FGF13: variants seen among roughly 807,000 people sequenced by gnomAD.
The protein encoded by FGF13 is fibroblast growth factor homologous factor 2.
In FGF13, 2 loss-of-function variants were observed where a neutral mutation model predicts 19.5. The ratio of observed to expected loss-of-function variants is 0.10; its 90% CI spans 0.04 to 0.32. The LOEUF is 0.32. Ranked by LOEUF, FGF13 falls within the 10% of genes least tolerant of loss-of-function variation. The pLI, the probability that FGF13 is intolerant of heterozygous loss-of-function variation, is 1.00. For synonymous variants in FGF13, 72 were observed against 76.9 expected, an observed-to-expected ratio of 0.94 and a Z score of 0.33; for missense variants, 113 against 192.7, an observed-to-expected ratio of 0.59 and a Z score of 2.45.
chrX:139,196,900 T>G (rs187639563), intron 1 of FGF13, among the ~76,000 whole-genome samples: 42 of 112,534 alleles, frequency 3.7e-4, no homozygotes, highest in Non-Finnish European at 7.5e-4. Context: ...AAAATACTAT[T>G]TTTAGGACAC....
chrX:139,023,522 T>A (rs1355892496), intron 1 of FGF13, among the ~76,000 whole-genome samples: 1 of 110,994 alleles, frequency 9.0e-6, no homozygotes, highest in Non-Finnish European at 1.9e-5. Flanking sequence ...AACACTGTGA[T>A]CCAGTCATTA....
At chrX:138,816,442 C>T (rs745994755) in intron 3 of FGF13, among the ~76,000 whole-genome samples, 1 of 111,949 alleles carries the variant, frequency 8.9e-6, no homozygotes, top group African/African-American at 3.2e-5. Context: ...TGTATTTTGA[C>T]CCAGCAATCG....
intron 3 of FGF13, among the ~76,000 whole-genome samples, chrX:138,804,108 A>C (rs974494707): frequency 1.8e-5 from 2 of 111,956 alleles, no homozygotes; most frequent in African/African-American, 6.5e-5. Context: ...ATTTAGACTT[A>C]ATATGCTTTA....
At chrX:138,706,477 G>A (rs1446605419) in intron 2 of FGF13, among the ~76,000 whole-genome samples, 1 of 111,791 alleles carries the variant, frequency 8.9e-6, no homozygotes, top group African/African-American at 3.3e-5. Context: ...TGCTTACTAT[G>A]TCTGAATAAA....
At chrX:138,779,079 C>T (rs2090616133) in intron 3 of FGF13, among the ~76,000 whole-genome samples, 1 of 111,937 alleles carries the variant, frequency 8.9e-6, no homozygotes, top group East Asian at 2.8e-4. Flanking sequence ...CTGCAGGGTA[C>T]TCCAACAGAC....
At chrX:138,866,716 GC>G (rs1482404335) in intron 1 of FGF13, among the ~76,000 whole-genome samples, 1 of 111,809 alleles carries the variant, frequency 8.9e-6, no homozygotes, top group African/African-American at 3.3e-5. Context: ...TCACCTGGGA[GC>G]TTGTTAGAAA....
At chrX:138,931,667 C>G (rs902291956) in intron 1 of FGF13, among the ~76,000 whole-genome samples, 5 of 111,699 alleles carry the variant, frequency 4.5e-5, no homozygotes, top group Non-Finnish European at 7.5e-5. Flanking sequence ...ATAGAGTCAT[C>G]AGCTTCTGCT....
chrX:139,061,495 G>A (rs764159505), intron 1 of FGF13, among the ~76,000 whole-genome samples: 1 of 111,602 alleles, frequency 9.0e-6, no homozygotes, highest in Non-Finnish European at 1.9e-5. Flanking sequence ...ACTCTCACAT[G>A]CACTCCACCA....
intron 3 of FGF13, among the ~76,000 whole-genome samples, chrX:138,683,805 G>T (rs1479190833): frequency 9.0e-6 from 1 of 111,680 alleles, no homozygotes; most frequent in Non-Finnish European, 1.9e-5. Context: ...GCGGGATGAC[G>T]AGCAGGACAA....
rs775500275 is a variant in FGF13 at position 138,998,878 on chromosome X, A to G, written c.-112-134228T>C. Among the ~76,000 whole-genome samples the G allele has an allele frequency of 2.7e-5, 3 of 111,981 alleles. No individual in the cohort carries two copies. In the East Asian group the frequency reaches 8.4e-4, roughly 31 times the overall value. On this transcript the variant is annotated intron_variant, in intron 1 of 2. Coordinates refer to the FGF13 transcript ENST00000421460. The stretch of plus-strand genomic sequence containing the variant: ...ACTCTCCACCCCAAATCAACAGAAT[A>G]TACATTCTTCTCAGCACCACATTGC...
intron 1 of FGF13, among the ~76,000 whole-genome samples, chrX:139,190,634 A>G (rs5974805): frequency 0.16 from 17,605 of 111,434 alleles, 1,202 homozygotes; most frequent in African/African-American, 0.25. Context: ...TATAGCCTGT[A>G]ATTAAGGATC....
intron 3 of FGF13, among the ~76,000 whole-genome samples, chrX:138,667,131 T>G (rs1403923462): frequency 9.3e-6 from 1 of 107,742 alleles, no homozygotes; most frequent in African/African-American, 3.3e-5. Flanking sequence ...AGGTTATATA[T>G]GTATATTATG....
chrX:139,028,582 CGTGTGT>C (rs1203709668), intron 1 of FGF13, among the ~76,000 whole-genome samples: 1,036 of 61,590 alleles, frequency 0.017, 26 homozygotes, highest in African/African-American at 0.055. Flanking sequence ...GGAGAGAGAG[CGTGTGT>C]GTGTGTGTGT....
At chrX:138,905,597 G>A (rs1188846283) in intron 1 of FGF13, among the ~76,000 whole-genome samples, 3 of 111,968 alleles carry the variant, frequency 2.7e-5, no homozygotes, top group African/African-American at 9.8e-5. Flanking sequence ...TGATTTTGTG[G>A]TCTGATGTAT....
chrX:139,204,060 C>A, upstream of FGF13: 1 of 1,210,833 alleles, frequency 8.3e-7, no homozygotes, highest in Non-Finnish European at 1.1e-6. Flanking sequence ...CGGGCTTACC[C>A]TTAGAAGCAT....
intron 3 of FGF13, among the ~76,000 whole-genome samples, chrX:138,656,423 TA>T (rs1179932622): frequency 2.7e-5 from 3 of 111,411 alleles, no homozygotes; most frequent in East Asian, 2.8e-4. Flanking sequence ...CCGTAGGTGT[TA>T]GGGGGGAATA....
At chrX:138,926,768 C>T (rs1419629503) in intron 1 of FGF13, among the ~76,000 whole-genome samples, 3 of 111,616 alleles carry the variant, frequency 2.7e-5, no homozygotes, top group Admixed American at 9.5e-5. Flanking sequence ...ACCTGGCCAA[C>T]GTGGCAAAAC....
intron 3 of FGF13, among the ~76,000 whole-genome samples, chrX:138,809,226 A>G (rs1048607196): frequency 2.7e-5 from 3 of 112,018 alleles, no homozygotes; most frequent in African/African-American, 9.7e-5. Flanking sequence ...ATCCAGCAGT[A>G]TATCAAAAAG....
intron 1 of FGF13, among the ~76,000 whole-genome samples, chrX:139,036,161 G>A (rs1047580976): frequency 4.5e-5 from 5 of 111,450 alleles, no homozygotes; most frequent in Admixed American, 1.9e-4. Context: ...GAAACATCCC[G>A]CCATCACAAA....
Sources: allele counts gnomAD v4.1 joint callset (sites outside exome capture counted in the v4.1 genomes callset), GRCh38; gene constraint gnomAD v4.1.1; transcripts MANE v1.5; gene names NCBI Gene and HGNC (gene_info 2026-07-23, HGNC 2026-07-21).